RAB10: variants seen among roughly 807,000 people sequenced by gnomAD.
RAB10 encodes ras-related protein Rab-10.
In RAB10, 5 loss-of-function variants were observed where a neutral mutation model predicts 25.7. That is an observed-to-expected ratio of 0.19 (90% confidence interval 0.10 to 0.41). RAB10 has a LOEUF of 0.41. Ranked by LOEUF, RAB10 falls within the 10% of genes least tolerant of loss-of-function variation. RAB10 has a pLI of 1.00. For synonymous variants in RAB10, 89 were observed against 86.4 expected, an observed-to-expected ratio of 1.03 and a Z score of -0.16; for missense variants, 103 against 245.8, an observed-to-expected ratio of 0.42 and a Z score of 3.89.
intron 5 of RAB10, among the ~76,000 whole-genome samples, chr2:26,129,268 CAAAAAA>C (rs58007291): frequency 1.5e-5 from 2 of 133,610 alleles, no homozygotes; most frequent in Non-Finnish European, 3.2e-5. Context: ...GACTCCATCT[CAAAAAA>C]AAAAAAAAAA....
chr2:26,045,970 C>T (rs1477568939), intron 1 of RAB10, among the ~76,000 whole-genome samples: 4 of 152,154 alleles, frequency 2.6e-5, no homozygotes, highest in Non-Finnish European at 5.9e-5. Context: ...GAGGTGGGTC[C>T]TTCAAATAGA....
At chr2:26,076,536 G>A (rs974737641) in intron 1 of RAB10, among the ~76,000 whole-genome samples, 3 of 152,172 alleles carry the variant, frequency 2.0e-5, no homozygotes, top group Admixed American at 2.0e-4. Flanking sequence ...TTTGGAAGGT[G>A]CCCCCAAAGT....
At position 26,040,706 on chromosome 2, in the gene RAB10, C is replaced by CT. The variant is rs746315082; in HGVS notation, c.127+5973dup. On this transcript the variant is annotated intron_variant, in intron 1 of 5. Coordinates refer to ENST00000264710, the MANE Select transcript of RAB10 (RefSeq NM_016131.5). ...CAGAGGTTTGTATAGAAGTAGTTAT[C>CT]TTGCAGGTGTTCAGAAGGACCTGAC... is the stretch of plus-strand genomic sequence containing the variant. Among the ~76,000 whole-genome samples the CT allele has an allele frequency of 2.4e-4, 36 of 152,092 alleles. 1 individual carries two copies. Among genetic ancestry groups the CT allele is most frequent in the Admixed American group, 1.5e-3 (23 of 15,252 alleles).
At chr2:26,125,791 T>G (rs1225693544) in intron 3 of RAB10, among the ~76,000 whole-genome samples, 1 of 152,158 alleles carries the variant, frequency 6.6e-6, no homozygotes, top group East Asian at 1.9e-4. Context: ...AAATACATGA[T>G]TTACAAATAT....
In RAB10 at chr2:26,051,184, A is replaced by G. The variant is rs1322047012; in HGVS notation, c.127+16449A>G. 3.3e-5 allele frequency among the ~76,000 whole-genome samples: 5 copies of G among 152,002 alleles called. 1 individual carries two copies. Among genetic ancestry groups the G allele is most frequent in the Admixed American group, 2.0e-4 (3 of 15,254 alleles). ...ACTCCTGGGCTCAATTGATCCTCCT[A>G]CCTTGGCCTCCCAGAGTGCTGGGAT... On this transcript the variant is annotated intron_variant, in intron 1 of 5. Transcript: ENST00000264710.
intron 3 of RAB10, among the ~76,000 whole-genome samples, chr2:26,126,782 A>C (rs947823142): frequency 6.6e-6 from 1 of 152,196 alleles, no homozygotes; most frequent in Non-Finnish European, 1.5e-5. Flanking sequence ...ATGTTTAATT[A>C]AGGCTTCTAT....
At chr2:26,124,896 A>G (rs1667876047) in intron 3 of RAB10, among the ~76,000 whole-genome samples, 1 of 152,224 alleles carries the variant, frequency 6.6e-6, no homozygotes, top group Non-Finnish European at 1.5e-5. Context: ...CATTTAACAT[A>G]AAGTTTTCAA....
At chr2:26,128,122 T>A (rs1387789807) in intron 5 of RAB10, among the ~76,000 whole-genome samples, 171 bp downstream of exon 5, 2 of 152,166 alleles carry the variant, frequency 1.3e-5, no homozygotes, top group African/African-American at 4.8e-5. Context: ...TGGAAGATAA[T>A]TTTTCCATGG....
At chr2:26,130,516 C>T (rs1667991423) in intron 5 of RAB10, among the ~76,000 whole-genome samples, 1 of 151,750 alleles carries the variant, frequency 6.6e-6, no homozygotes, top group Non-Finnish European at 1.5e-5. Context: ...ACTATGTTGC[C>T]CAGGCTAGAT....
intron 1 of RAB10, among the ~76,000 whole-genome samples, chr2:26,057,064 A>G (rs1666282370): frequency 6.6e-6 from 1 of 152,218 alleles, no homozygotes; most frequent in South Asian, 2.1e-4. Context: ...AATTGGTGCC[A>G]TTAACTTAGG....
intron 1 of RAB10, among the ~76,000 whole-genome samples, chr2:26,082,520 G>A (rs1247587741): frequency 6.6e-6 from 1 of 152,066 alleles, no homozygotes; most frequent in Admixed American, 6.5e-5. Context: ...AGAATTGGAA[G>A]GAGAAATAAT....
chr2:26,094,641 C>G (rs1376527486), intron 1 of RAB10, among the ~76,000 whole-genome samples: 1 of 152,140 alleles, frequency 6.6e-6, no homozygotes, highest in East Asian at 1.9e-4. Flanking sequence ...TCACTGCAGC[C>G]TGCGCCTCCC....
chr2:26,086,023 G>GA (rs1363084762), intron 1 of RAB10, among the ~76,000 whole-genome samples: 2 of 140,334 alleles, frequency 1.4e-5, no homozygotes, highest in Non-Finnish European at 3.1e-5. Context: ...AAAAAGGGGG[G>GA]GGGCAAAGGG....
At chr2:26,097,558 G>C (rs1351808824) in intron 1 of RAB10, among the ~76,000 whole-genome samples, 2 of 152,190 alleles carry the variant, frequency 1.3e-5, no homozygotes, top group South Asian at 4.1e-4. Context: ...GATTACAGGC[G>C]TGAGCCACCG....
intron 1 of RAB10, among the ~76,000 whole-genome samples, chr2:26,097,579 C>G (rs555466732): frequency 2.2e-4 from 33 of 152,256 alleles, no homozygotes; most frequent in African/African-American, 7.9e-4. Flanking sequence ...TGCCTGGCAA[C>G]TTCAATACTG....
intron 3 of RAB10, among the ~76,000 whole-genome samples, chr2:26,114,737 CAAAAAA>C (rs58252306): frequency 4.5e-5 from 3 of 66,064 alleles, no homozygotes; most frequent in South Asian, 4.2e-4. Context: ...CAAAAATATA[CAAAAAA>C]AAAAAAAAAA....
chr2:26,102,968 C>T (rs1405057234), intron 2 of RAB10, among the ~76,000 whole-genome samples: 2 of 152,198 alleles, frequency 1.3e-5, no homozygotes, highest in Admixed American at 6.5e-5. Context: ...ATCTTAAAAA[C>T]ATAGAATGAA....
chr2:26,100,516 A>C (rs757732816), intron 2 of RAB10, among the ~76,000 whole-genome samples: 1 of 151,966 alleles, frequency 6.6e-6, no homozygotes. Context: ...TTAAAAAGGT[A>C]TATTTCCTTA....
At chr2:26,099,161 A>G (rs906136680) in intron 2 of RAB10, among the ~76,000 whole-genome samples, 5 of 152,148 alleles carry the variant, frequency 3.3e-5, no homozygotes, top group African/African-American at 4.8e-5. Flanking sequence ...TTGAATTTGT[A>G]TTTGTCTGAA....
Sources: gnomAD v4.1 joint callset for allele counts (sites outside exome capture counted in the v4.1 genomes callset) on GRCh38, gnomAD v4.1.1 for gene constraint, MANE v1.5 for transcripts, NCBI Gene and HGNC (gene_info 2026-07-23, HGNC 2026-07-21) for gene names.